The following LAMA2 variants were observed in gnomAD, a reference collection of about 807,000 sequenced individuals.
LAMA2 encodes laminin subunit alpha-2.
LAMA2 carries 269 observed loss-of-function variants against 364.8 expected under a neutral mutation model. The ratio of observed to expected loss-of-function variants is 0.74; its 90% CI spans 0.67 to 0.82. The LOEUF is 0.82. Among genes scored for constraint, LAMA2 ranks in the 40% least tolerant of loss-of-function variants. LAMA2 has a pLI of 0.00. For synonymous variants in LAMA2, 1,379 were observed against 1,370.6 expected (o/e 1.01, Z -0.14); for missense variants, 3,807 against 3,873.2 (o/e 0.98, Z 0.45).
chr6:128,902,310 T>C (rs541772096), intron 1 of LAMA2, among the ~76,000 whole-genome samples: 1 of 152,342 alleles, frequency 6.6e-6, no homozygotes, highest in Non-Finnish European at 1.5e-5. Context: ...CTATTCCCTT[T>C]AAATATTTCC....
chr6:128,919,341 C>G (rs1052329956), intron 1 of LAMA2, among the ~76,000 whole-genome samples: 7 of 152,202 alleles, frequency 4.6e-5, no homozygotes, highest in Admixed American at 2.0e-4. Context: ...TTACGTCAGT[C>G]AATCCTGATA....
intron 3 of LAMA2, among the ~76,000 whole-genome samples, chr6:129,095,608 T>C (rs1398946365): frequency 3.9e-5 from 6 of 151,940 alleles, no homozygotes; most frequent in Admixed American, 2.0e-4. Flanking sequence ...ACATGGGTTA[T>C]GGGTTAAAGA....
intron 1 of LAMA2, among the ~76,000 whole-genome samples, chr6:128,902,184 C>T (rs1489772045): frequency 2.0e-5 from 3 of 152,210 alleles, no homozygotes; most frequent in Admixed American, 6.5e-5. Flanking sequence ...CAGGAGGTCC[C>T]TCCCCCAACA....
At chr6:129,469,040 A>T (rs992471342) in intron 51 of LAMA2, among the ~76,000 whole-genome samples, 1 of 151,930 alleles carries the variant, frequency 6.6e-6, no homozygotes, top group Non-Finnish European at 1.5e-5. Flanking sequence ...AACATGAATT[A>T]TTTGGGCAGC....
At chr6:129,490,586 TATC>T (rs1465593940) in intron 56 of LAMA2, 1 of 152,214 alleles carries the variant, frequency 6.6e-6, no homozygotes, top group Non-Finnish European at 1.5e-5. Context: ...AGCCCTGTGA[TATC>T]ATGTTGCTAA....
At chr6:129,328,800 G>A (rs1044196547) in intron 29 of LAMA2, among the ~76,000 whole-genome samples, 1 of 152,112 alleles carries the variant, frequency 6.6e-6, no homozygotes, top group African/African-American at 2.4e-5. Context: ...AATGTTTTAA[G>A]TATTTCCCAC....
chr6:129,057,698 G>C (rs990794620), intron 2 of LAMA2, among the ~76,000 whole-genome samples: 1 of 152,230 alleles, frequency 6.6e-6, no homozygotes, highest in South Asian at 2.1e-4. Flanking sequence ...ACTAAGTGGT[G>C]GAGCCAGGAG....
chr6:128,978,306 C>T (rs927143277), intron 1 of LAMA2, among the ~76,000 whole-genome samples: 5 of 151,908 alleles, frequency 3.3e-5, no homozygotes, highest in Non-Finnish European at 1.5e-5. Context: ...TTTCTGACCA[C>T]CTACTCTGTG....
intron 1 of LAMA2, among the ~76,000 whole-genome samples, chr6:128,893,904 G>T (rs920811556): frequency 6.6e-6 from 1 of 151,858 alleles, no homozygotes; most frequent in Non-Finnish European, 1.5e-5. Flanking sequence ...GAAGAGAACT[G>T]GATTCTCATT....
At chr6:128,944,359 T>A (rs906845767) in intron 1 of LAMA2, among the ~76,000 whole-genome samples, 14 of 152,318 alleles carry the variant, frequency 9.2e-5, no homozygotes, top group South Asian at 2.1e-4. Flanking sequence ...ATAGGCCTGA[T>A]CCATCTTCTG....
chr6:129,199,142 TAGTC>T (rs559647739), intron 12 of LAMA2, among the ~76,000 whole-genome samples: 162 of 152,238 alleles, frequency 1.1e-3, no homozygotes, highest in African/African-American at 3.7e-3. Flanking sequence ...TTTATAAAAA[TAGTC>T]AGGCTAAATT....
Position 129,286,361 on chromosome 6 carries a change from T to C in LAMA2, c.2538-1486T>C, listed in dbSNP as rs1789122454. ...AGTATAAAGTGTGAGCAAATGTCAT[T>C]GAAAGAGAAGACAGAGCAGAATATA... On this transcript the variant is annotated intron_variant, in intron 18 of 64. Coordinates refer to ENST00000421865, the MANE Select transcript of LAMA2 (RefSeq NM_000426.4). Among the ~76,000 whole-genome samples the C allele has an allele frequency of 2.0e-5, 3 of 151,226 alleles. No homozygotes were observed. In the South Asian group the frequency reaches 6.2e-4, roughly 31 times the overall value.
intron 28 of LAMA2, among the ~76,000 whole-genome samples, chr6:129,321,118 A>G (rs1397142403): frequency 6.6e-6 from 1 of 152,184 alleles, no homozygotes; most frequent in Non-Finnish European, 1.5e-5. Flanking sequence ...CAGTGCTGCT[A>G]TGAGTCATTA....
chr6:129,386,609 AAGCGC>A (rs1779032948), intron 35 of LAMA2, among the ~76,000 whole-genome samples: 1 of 152,202 alleles, frequency 6.6e-6, no homozygotes, highest in African/African-American at 2.4e-5. Context: ...AGGGTAAGTA[AAGCGC>A]AGTGAAATAA....
chr6:128,984,348 G>C (rs918021577), intron 1 of LAMA2, among the ~76,000 whole-genome samples: 1 of 152,030 alleles, frequency 6.6e-6, no homozygotes, highest in Non-Finnish European at 1.5e-5. Context: ...CTCTTCTGAG[G>C]CCTCCTCATT....
At chr6:129,094,308 A>G (rs925186558) in intron 3 of LAMA2, among the ~76,000 whole-genome samples, 1 of 152,238 alleles carries the variant, frequency 6.6e-6, no homozygotes, top group Non-Finnish European at 1.5e-5. Context: ...TTTGCATGGA[A>G]TGTGAAAGAA....
chr6:129,226,027 G>T (rs550344179), intron 12 of LAMA2, among the ~76,000 whole-genome samples: 2 of 152,128 alleles, frequency 1.3e-5, no homozygotes, highest in African/African-American at 4.8e-5. Context: ...CCTGTATTGG[G>T]TGCATATATA....
chr6:129,058,819 T>A (rs1788674582), intron 2 of LAMA2, among the ~76,000 whole-genome samples: 1 of 152,208 alleles, frequency 6.6e-6, no homozygotes, highest in Non-Finnish European at 1.5e-5. Context: ...CACAGGAGGA[T>A]GATTACCCAA....
In LAMA2 at chr6:128,935,629, T is replaced by C. The variant is rs1443977551; in HGVS notation, c.112+52272T>C. ...TATAGATGCACGACTGATTTTCATA[T>C]GTTGATTTCATATCCTGCAACTTTA... On this transcript the variant is annotated intron_variant, in intron 1 of 64. Coordinates refer to ENST00000421865, the MANE Select transcript of LAMA2 (RefSeq NM_000426.4). Among the ~76,000 whole-genome samples the C allele has an allele frequency of 3.3e-5, 5 of 152,212 alleles. No individual in the cohort carries two copies. The South Asian group carries it at 8.3e-4, about 25-fold the overall frequency.
Sources: gnomAD v4.1 joint callset for allele counts (sites outside exome capture counted in the v4.1 genomes callset) on GRCh38, gnomAD v4.1.1 for gene constraint, MANE v1.5 for transcripts, NCBI Gene and HGNC (gene_info 2026-07-23, HGNC 2026-07-21) for gene names.